Variants in RRM2 observed in about 807,000 individuals in gnomAD.
The protein encoded by RRM2 is ribonucleotide reductase regulatory subunit M2, also known as ribonucleoside-diphosphate reductase subunit M2.
A neutral mutation model predicts 45.9 loss-of-function variants in RRM2; 6 were observed. That is an observed-to-expected ratio of 0.13 (90% CI 0.07 to 0.26). The LOEUF is 0.26. RRM2 is among the 10% of genes least tolerant of loss of function. The probability of loss-of-function intolerance (pLI) is 1.00; values close to 1 mark genes in which losing one functional copy is unlikely to be tolerated. For synonymous variants in RRM2, 177 were observed against 173.0 expected (o/e 1.02, Z -0.18); for missense variants, 343 against 489.5 (o/e 0.70, Z 2.82).
chr2:10,163,257 G>A (rs924939256), intron 3 of RRM2, among the ~76,000 whole-genome samples: 15 of 151,012 alleles, frequency 9.9e-5, no homozygotes, highest in East Asian at 2.0e-4. Flanking sequence ...GGGAGCGAGC[G>A]CTTGATGGTG....
chr2:10,144,222 C>T lies in RRM2; in HGVS notation n.482+1847C>T, dbSNP rs150201607. ...CGGGTCTGGGGCTCTGTTTTGAGGA[C>T]GGGGAGTGGGAGGAGGTGGCAGCAG... On this transcript the variant is annotated intron_variant and non_coding_transcript_variant, in intron 3 of 3. Transcript: ENST00000381786. Among the ~76,000 whole-genome samples, 865 of 152,256 alleles carry T rather than the reference C, an allele frequency of 5.7e-3. 7 individuals are homozygous for T. Among genetic ancestry groups the T allele is most frequent in the African/African-American group, 0.019 (803 of 41,558 alleles).
At chr2:10,157,258 GA>G (rs978275089) in intron 3 of RRM2, among the ~76,000 whole-genome samples, 13 of 152,156 alleles carry the variant, frequency 8.5e-5, no homozygotes, top group African/African-American at 3.1e-4. Context: ...TTGAACTCCT[GA>G]CCTCAGGTGA....
At chr2:10,203,756 AATAAATAC>A (rs1250703516) in intron 3 of RRM2, among the ~76,000 whole-genome samples, 1 of 122,928 alleles carries the variant, frequency 8.1e-6, no homozygotes, top group African/African-American at 2.8e-5. Flanking sequence ...GTCTCACAAA[AATAAATAC>A]ATACATACAT....
chr2:10,162,567 C>G (rs1334813436), intron 3 of RRM2, among the ~76,000 whole-genome samples: 1 of 152,168 alleles, frequency 6.6e-6, no homozygotes, highest in Admixed American at 6.5e-5. Context: ...TAGTGGGAAA[C>G]CATCTTCCTT....
At chr2:10,192,890 C>T (rs565350878) in intron 3 of RRM2, among the ~76,000 whole-genome samples, 1 of 152,356 alleles carries the variant, frequency 6.6e-6, no homozygotes, top group South Asian at 2.1e-4. Flanking sequence ...CTCTGTCCTC[C>T]AGCAGGAGGT....
intron 4 of RRM2, 60 bp from the exon 5 acceptor site, chr2:10,124,657 G>C: frequency 6.3e-7 from 1 of 1,599,126 alleles, no homozygotes; most frequent in Admixed American, 1.7e-5. Context: ...GCCAGTATCC[G>C]TTGACAGTTG....
At chr2:10,174,420 G>A (rs978051139) in intron 3 of RRM2, among the ~76,000 whole-genome samples, 4 of 152,148 alleles carry the variant, frequency 2.6e-5, no homozygotes, top group Non-Finnish European at 4.4e-5. Flanking sequence ...TGAGCTCCCC[G>A]GGTAGGTGAA....
chr2:10,144,031 T>C (rs1055117935), intron 3 of RRM2, among the ~76,000 whole-genome samples: 4 of 152,250 alleles, frequency 2.6e-5, no homozygotes. Context: ...GGAGTGGCTG[T>C]GGATCTGACA....
At chr2:10,173,469 C>T (rs1663845307) in intron 3 of RRM2, among the ~76,000 whole-genome samples, 1 of 152,196 alleles carries the variant, frequency 6.6e-6, no homozygotes, top group South Asian at 2.1e-4. Context: ...TGACCCAGTT[C>T]CAGCACCCCC....
At chr2:10,150,902 C>T (rs975077029) in intron 3 of RRM2, among the ~76,000 whole-genome samples, 9 of 151,972 alleles carry the variant, frequency 5.9e-5, no homozygotes, top group Non-Finnish European at 1.0e-4. Context: ...CAACCTCCAC[C>T]TCCTGGGTTC....
intron 3 of RRM2, among the ~76,000 whole-genome samples, chr2:10,180,871 A>G (rs1289503497): frequency 6.6e-6 from 1 of 152,028 alleles, no homozygotes; most frequent in Non-Finnish European, 1.5e-5. Flanking sequence ...GGTTCAAGCG[A>G]TTCTTGTGCC....
intron 3 of RRM2, among the ~76,000 whole-genome samples, chr2:10,184,000 G>A (rs1188845825): frequency 6.8e-6 from 1 of 146,622 alleles, no homozygotes; most frequent in Non-Finnish European, 1.5e-5. Flanking sequence ...GGCTGAGGCA[G>A]GAGAATGGCG....
intron 3 of RRM2, among the ~76,000 whole-genome samples, chr2:10,152,693 G>T (rs1028402698): frequency 6.6e-6 from 1 of 151,606 alleles, no homozygotes; most frequent in Non-Finnish European, 1.5e-5. Context: ...ATGTTGGCCA[G>T]GCTGGTCTCG....
chr2:10,173,993 T>C (rs994080811), intron 3 of RRM2, among the ~76,000 whole-genome samples: 8 of 152,138 alleles, frequency 5.3e-5, no homozygotes, highest in Non-Finnish European at 7.4e-5. Context: ...TCCCCTGCAA[T>C]TCACATGTTG....
intron 3 of RRM2, among the ~76,000 whole-genome samples, chr2:10,194,711 G>C (rs905689287): frequency 6.6e-6 from 1 of 152,186 alleles, no homozygotes; most frequent in Non-Finnish European, 1.5e-5. Context: ...CATCTGGAGC[G>C]GGCTCAGTGG....
Position 10,178,243 on chromosome 2 carries a change from T to C in RRM2, n.483-32068T>C, listed in dbSNP as rs544790348. Among the ~76,000 whole-genome samples the C allele has an allele frequency of 2.0e-3, 260 of 131,866 alleles. 3 individuals are homozygous for C. Among genetic ancestry groups the C allele is most frequent in the African/African-American group, 7.2e-3 (247 of 34,196 alleles). 86.5% of individuals were successfully genotyped at this position (131,866 alleles called of 152,430 possible). A position where few individuals can be genotyped will look rare whatever the true frequency, so the allele number is the denominator to read the frequency against. ...GCAGGCTTTTTTTTTTTTTTTTTAATGTGAAGTCTCACTGTGTTGCCCAGA... is the reference window on the plus strand; with the variant it reads ...GCAGGCTTTTTTTTTTTTTTTTTAACGTGAAGTCTCACTGTGTTGCCCAGA... On this transcript the variant is annotated intron_variant and non_coding_transcript_variant, in intron 3 of 3. Coordinates refer to the RRM2 transcript ENST00000381786.
chr2:10,142,168 G>A lies in RRM2; in HGVS notation n.362-87G>A, dbSNP rs757171408. 6.4e-6 allele frequency: 10 copies of A among 1,565,904 alleles called. No individual in the cohort carries two copies. The East Asian group carries it at 1.2e-4, about 18-fold the overall frequency. On this transcript the variant is annotated intron_variant and non_coding_transcript_variant, in intron 2 of 3. Coordinates refer to the RRM2 transcript ENST00000381786. The stretch of plus-strand genomic sequence containing the variant: ...CTGTGAGTGGTCAGAGCAGAGTGAG[G>A]GGTGGGAGATGGGGCTGGGTCAGTG...
At chr2:10,122,588 G>A (rs1423400032), upstream of RRM2, 2 of 1,451,974 alleles carry the variant, frequency 1.4e-6, no homozygotes, top group Admixed American at 2.7e-5. Context: ...GCGGCCCCGC[G>A]GCCAGCCTGG....
At chr2:10,157,258 G>C (rs1663450178) in intron 3 of RRM2, among the ~76,000 whole-genome samples, 1 of 152,156 alleles carries the variant, frequency 6.6e-6, no homozygotes, top group African/African-American at 2.4e-5. Flanking sequence ...TTGAACTCCT[G>C]ACCTCAGGTG....
Sources: gnomAD v4.1 joint callset for allele counts (sites outside exome capture counted in the v4.1 genomes callset) on GRCh38, gnomAD v4.1.1 for gene constraint, MANE v1.5 for transcripts, NCBI Gene and HGNC (gene_info 2026-07-23, HGNC 2026-07-21) for gene names.